Variants in GPC5 observed in about 807,000 individuals in gnomAD.
The protein encoded by GPC5 is glypican 5, also known as glypican-5.
GPC5 carries 47 observed loss-of-function variants against 53.9 expected under a neutral mutation model. That is an observed-to-expected ratio of 0.87 (90% CI 0.69 to 1.11). The LOEUF (loss-of-function observed/expected upper bound fraction) is 1.11, where lower values mean the gene tolerates loss of function less well. Ranked by LOEUF, GPC5 falls within the 50% of genes most tolerant of loss-of-function variation. The pLI, the probability that GPC5 is intolerant of heterozygous loss-of-function variation, is 0.00. For synonymous variants in GPC5, 286 were observed against 263.3 expected, an observed-to-expected ratio of 1.09 and a Z score of -0.84; for missense variants, 748 against 713.1, an observed-to-expected ratio of 1.05 and a Z score of -0.56.
chr13:92,381,916 AT>A (rs2043749532), intron 7 of GPC5, among the ~76,000 whole-genome samples: 1 of 136,566 alleles, frequency 7.3e-6, no homozygotes, highest in African/African-American at 2.8e-5. Context: ...TATGATATAT[AT>A]AATCATATAT....
At chr13:91,556,719 G>A (rs1259582657) in intron 2 of GPC5, among the ~76,000 whole-genome samples, 2 of 151,900 alleles carry the variant, frequency 1.3e-5, no homozygotes. Context: ...TAACTCAGGA[G>A]TAAAAAACCA....
At chr13:92,406,655 C>T (rs550319184) in intron 7 of GPC5, among the ~76,000 whole-genome samples, 1 of 152,260 alleles carries the variant, frequency 6.6e-6, no homozygotes, top group Admixed American at 6.5e-5. Context: ...ATCATGTTTA[C>T]TCAAAAATGT....
chr13:92,101,244 T>A (rs2041464805), intron 6 of GPC5, among the ~76,000 whole-genome samples: 1 of 152,160 alleles, frequency 6.6e-6, no homozygotes, highest in South Asian at 2.1e-4. Flanking sequence ...ATTTTTTGCC[T>A]GGGAGGGGAA....
intron 4 of GPC5, among the ~76,000 whole-genome samples, chr13:91,734,931 A>G (rs2036781892): frequency 6.7e-6 from 1 of 150,228 alleles, no homozygotes; most frequent in Non-Finnish European, 1.5e-5. Context: ...TGGGTTTTCT[A>G]CTAGATTTTT....
At chr13:91,704,576 G>T (rs2036059083) in intron 3 of GPC5, among the ~76,000 whole-genome samples, 3 of 152,162 alleles carry the variant, frequency 2.0e-5, no homozygotes, top group African/African-American at 7.2e-5. Flanking sequence ...GAACTCCATG[G>T]CCACAGAAAA....
At chr13:91,894,199 G>A (rs1390025556) in intron 5 of GPC5, among the ~76,000 whole-genome samples, 2 of 152,122 alleles carry the variant, frequency 1.3e-5, no homozygotes, top group Admixed American at 1.3e-4. Flanking sequence ...TGGTTGTCAT[G>A]GAGCTATGAT....
At chr13:92,407,380 G>A (rs1193471037) in intron 7 of GPC5, among the ~76,000 whole-genome samples, 3 of 152,062 alleles carry the variant, frequency 2.0e-5, no homozygotes, top group East Asian at 1.9e-4. Context: ...TGGTAGCCTC[G>A]ACAAGATATT....
intron 2 of GPC5, among the ~76,000 whole-genome samples, chr13:91,604,202 G>A (rs2033278132): frequency 6.9e-6 from 1 of 145,156 alleles, no homozygotes. Context: ...AATATGCGGT[G>A]TTTGGTTTTT....
intron 7 of GPC5, among the ~76,000 whole-genome samples, chr13:92,618,795 A>G (rs904860401): frequency 3.9e-5 from 6 of 151,936 alleles, no homozygotes; most frequent in Admixed American, 3.9e-4. Context: ...TGTGAAATAA[A>G]GATGGATCAT....
chr13:91,693,659 C>T lies in GPC5; in HGVS notation c.798C>T (p.Leu266=), dbSNP rs769068819. Residue 266 remains leucine, a synonymous_variant, in exon 3 of 8, where the codon CTC becomes CTT. Transcript: ENST00000377067. ...QYCPHCQGLA[L]TKPCMGYCLN... ...GCCCGCACTGCCAAGGCCTGGCGCTCACTAAGCCTTGTATGGGATACTGCC... is the reference window on the plus strand; with the variant it reads ...GCCCGCACTGCCAAGGCCTGGCGCTTACTAAGCCTTGTATGGGATACTGCC... 35 of 1,614,110 alleles carry T rather than the reference C, an allele frequency of 2.2e-5. No individual in the cohort carries two copies. Among genetic ancestry groups the T allele is most frequent in the Non-Finnish European group, 2.7e-5 (32 of 1,179,980 alleles).
Position 92,193,153 on chromosome 13 carries a change from C to T in GPC5, c.1561+48164C>T, listed in dbSNP as rs950416637. Among the ~76,000 whole-genome samples the T allele has an allele frequency of 1.1e-4, 17 of 147,938 alleles. No individual in the cohort carries two copies. In the South Asian group the frequency reaches 1.5e-3, roughly 13 times the overall value. On this transcript the variant is annotated intron_variant, in intron 7 of 7. Coordinates refer to ENST00000377067, the MANE Select transcript of GPC5 (RefSeq NM_004466.6). ...TGGCGCCACTGCACTCCAGCCTGGG[C>T]GACAGAGCGAGACTCTGTCTCAAAA...
In GPC5 at chr13:92,844,694, A is replaced by G. The variant is rs543693062; in HGVS notation, c.1562-21588A>G. On this transcript the variant is annotated intron_variant, in intron 7 of 7. Coordinates refer to ENST00000377067, the MANE Select transcript of GPC5 (RefSeq NM_004466.6). ...TATTTTTGATTTCCTAAATATATTC[A>G]CTTCGTATTTTGGAAATCCTGATCA... 4.6e-5 allele frequency among the ~76,000 whole-genome samples: 7 copies of G among 152,256 alleles called. No individual in the cohort carries two copies. The South Asian group carries it at 1.5e-3, about 32-fold the overall frequency.
intron 7 of GPC5, among the ~76,000 whole-genome samples, chr13:92,703,358 G>T (rs1887825927): frequency 6.6e-6 from 1 of 151,394 alleles, no homozygotes; most frequent in Admixed American, 6.6e-5. Context: ...AGATATGATA[G>T]ATAATATCTA....
At chr13:91,892,541 C>G (rs1316143296) in intron 5 of GPC5, among the ~76,000 whole-genome samples, 4 of 151,388 alleles carry the variant, frequency 2.6e-5, no homozygotes, top group African/African-American at 7.3e-5. Context: ...TGTTATTTTA[C>G]TTTTTAGTAA....
At chr13:91,861,492 T>A (rs992256442) in intron 5 of GPC5, among the ~76,000 whole-genome samples, 1 of 152,058 alleles carries the variant, frequency 6.6e-6, no homozygotes, top group Non-Finnish European at 1.5e-5. Context: ...TGCATCCCCT[T>A]TTCCAGTTTA....
intron 7 of GPC5, among the ~76,000 whole-genome samples, chr13:92,205,236 T>A (rs1418941438): frequency 6.6e-6 from 1 of 152,214 alleles, no homozygotes; most frequent in East Asian, 1.9e-4. Context: ...GTTTTGCTCT[T>A]ATTGCCCAGG....
At chr13:91,651,139 C>A (rs761986225) in intron 2 of GPC5, among the ~76,000 whole-genome samples, 2 of 152,068 alleles carry the variant, frequency 1.3e-5, no homozygotes, top group Non-Finnish European at 2.9e-5. Context: ...TTTCACCATA[C>A]CACTAGGTAA....
chr13:92,590,450 A>G (rs942358135), intron 7 of GPC5, among the ~76,000 whole-genome samples: 7 of 152,176 alleles, frequency 4.6e-5, no homozygotes, highest in Non-Finnish European at 7.3e-5. Flanking sequence ...CTTTCCCAAC[A>G]TTAACTTTTC....
intron 7 of GPC5, among the ~76,000 whole-genome samples, chr13:92,154,023 A>C (rs1168150878): frequency 6.6e-6 from 1 of 152,186 alleles, no homozygotes; most frequent in Non-Finnish European, 1.5e-5. Flanking sequence ...TTTTGGCTCA[A>C]GTTTCTGCAG....
Sources: allele counts gnomAD v4.1 joint callset (sites outside exome capture counted in the v4.1 genomes callset), GRCh38; gene constraint gnomAD v4.1.1; transcripts MANE v1.5; gene names NCBI Gene and HGNC (gene_info 2026-07-23, HGNC 2026-07-21).